Variants in PLAAT1 observed in about 807,000 individuals in gnomAD.
PLAAT1 encodes phospholipase A and acyltransferase 1, also known as H-REV107 protein-related protein.
PLAAT1 carries 13 observed loss-of-function variants against 16.4 expected under a neutral mutation model. The observed-to-expected ratio is 0.79, with a 90% CI of 0.52 to 1.26. The LOEUF (loss-of-function observed/expected upper bound fraction) is 1.26. Among genes scored for constraint, PLAAT1 ranks in the 50% most tolerant of loss-of-function variants. The probability of loss-of-function intolerance (pLI) is 0.00; values close to 1 mark genes in which losing one functional copy is unlikely to be tolerated. For synonymous variants in PLAAT1, 73 were observed against 78.4 expected (o/e 0.93, Z 0.36); for missense variants, 218 against 207.8 (o/e 1.05, Z -0.30).
chr3:193,258,793 G>C (rs1716476116), intron 2 of PLAAT1, among the ~76,000 whole-genome samples: 1 of 151,968 alleles, frequency 6.6e-6, no homozygotes, highest in Non-Finnish European at 1.5e-5. Flanking sequence ...AAAAGCCCTG[G>C]AGCAGATGGA....
chr3:193,241,765 T>G (rs916270239), intron 1 of PLAAT1, among the ~76,000 whole-genome samples: 1 of 152,224 alleles, frequency 6.6e-6, no homozygotes, highest in Non-Finnish European at 1.5e-5. Context: ...TTTAAGGCTT[T>G]TTAAGCCTAC....
At chr3:193,249,151 C>T (rs970824615) in intron 1 of PLAAT1, among the ~76,000 whole-genome samples, 2 of 151,984 alleles carry the variant, frequency 1.3e-5, no homozygotes, top group Admixed American at 6.5e-5. Flanking sequence ...TTCCCTTCTA[C>T]CCTGCAGGGT....
chr3:193,273,722 G>A (rs948757246), downstream of PLAAT1, among the ~76,000 whole-genome samples: 68 of 152,212 alleles, frequency 4.5e-4, no homozygotes, highest in Non-Finnish European at 8.5e-4. Flanking sequence ...TTTATGGTGA[G>A]GGTGATATAT....
At chr3:193,259,030 G>A (rs564465201) in intron 2 of PLAAT1, among the ~76,000 whole-genome samples, 11 of 152,144 alleles carry the variant, frequency 7.2e-5, no homozygotes, top group African/African-American at 1.2e-4. Context: ...CAAATTTGGC[G>A]CACATCAAAA....
intron 1 of PLAAT1, among the ~76,000 whole-genome samples, chr3:193,251,872 ATAGT>A (rs1716202964): frequency 1.3e-5 from 2 of 152,124 alleles, no homozygotes; most frequent in South Asian, 4.2e-4. Context: ...AGGAGAAGGG[ATAGT>A]TAGGGAGCCT....
chr3:193,264,585 C>T (rs1222701332), intron 3 of PLAAT1, among the ~76,000 whole-genome samples: 1 of 151,932 alleles, frequency 6.6e-6, no homozygotes, highest in African/African-American at 2.4e-5. Context: ...CTCACTGCAA[C>T]CTCCGCCTCC....
At chr3:193,265,787 A>G (rs1017770950) in intron 3 of PLAAT1, among the ~76,000 whole-genome samples, 5 of 151,672 alleles carry the variant, frequency 3.3e-5, no homozygotes, top group Non-Finnish European at 7.4e-5. Flanking sequence ...CTCACATGTA[A>G]CAATAAATTG....
At chr3:193,267,526 T>G (rs927421208) in intron 3 of PLAAT1, among the ~76,000 whole-genome samples, 1 of 152,216 alleles carries the variant, frequency 6.6e-6, no homozygotes, top group Non-Finnish European at 1.5e-5. Context: ...TTCATGTACT[T>G]TTGTGGCTTG....
At chr3:193,267,369 C>G (rs982511749) in intron 3 of PLAAT1, among the ~76,000 whole-genome samples, 3 of 148,950 alleles carry the variant, frequency 2.0e-5, no homozygotes, top group African/African-American at 7.3e-5. Context: ...ATCCTTCCTT[C>G]CCTGCAAATC....
intron 1 of PLAAT1, among the ~76,000 whole-genome samples, chr3:193,251,283 G>A (rs112729327): frequency 7.9e-5 from 12 of 152,198 alleles, no homozygotes; most frequent in African/African-American, 2.4e-4. Context: ...GGCTGGAATT[G>A]TCACTAGAAC....
At chr3:193,248,919 C>T (rs1716083464) in intron 1 of PLAAT1, among the ~76,000 whole-genome samples, 1 of 151,888 alleles carries the variant, frequency 6.6e-6, no homozygotes, top group African/African-American at 2.4e-5. Context: ...TATGTATTTC[C>T]ATGTTGCTAC....
At chr3:193,258,066 C>A (rs1204466992) in intron 2 of PLAAT1, among the ~76,000 whole-genome samples, 2 of 152,144 alleles carry the variant, frequency 1.3e-5, no homozygotes, top group Non-Finnish European at 2.9e-5. Context: ...TGTGGGACTT[C>A]ACCTTGTGAT....
At chr3:193,276,404 A>T (rs570202486) in intron 2 of PLAAT1, among the ~76,000 whole-genome samples, 145 of 152,310 alleles carry the variant, frequency 9.5e-4, no homozygotes, top group African/African-American at 3.2e-3. Context: ...CACTCTAAAA[A>T]GTCTCTTTGG....
chr3:193,262,548 C>CTAATTAGTATACACAAATTAATACAAA (rs1716623991), intron 2 of PLAAT1, among the ~76,000 whole-genome samples: 2 of 152,018 alleles, frequency 1.3e-5, no homozygotes, highest in Non-Finnish European at 2.9e-5. Flanking sequence ...ACAGTGTACC[C>CTAATTAGTATACACAAATTAATACAAA]TACAGTATTA....
At chr3:193,254,088 A>G (rs889874196) in intron 1 of PLAAT1, among the ~76,000 whole-genome samples, 2 of 152,162 alleles carry the variant, frequency 1.3e-5, no homozygotes, top group Non-Finnish European at 2.9e-5. Flanking sequence ...ACGAACTGCC[A>G]TATTAATAAG....
At position 193,248,443 on chromosome 3, in the gene PLAAT1, T is replaced by C. The variant is rs571892723; in HGVS notation, c.-1+6910T>C. On this transcript the variant is annotated intron_variant, in intron 1 of 3. Transcript: ENST00000264735. ...ATTATTGGTAGGTAAGAACTTACTA[T>C]TGGTGTTTTGTTGTTTTCTGGTTAA... 6.6e-5 allele frequency among the ~76,000 whole-genome samples: 10 copies of C among 152,244 alleles called. No homozygotes were observed. The South Asian group carries it at 2.1e-3, about 32-fold the overall frequency.
At chr3:193,253,089 A>C (rs1166711040) in intron 1 of PLAAT1, among the ~76,000 whole-genome samples, 1 of 152,130 alleles carries the variant, frequency 6.6e-6, no homozygotes, top group Non-Finnish European at 1.5e-5. Context: ...CACTGCTGCA[A>C]ACAAGTTTGG....
intron 3 of PLAAT1, among the ~76,000 whole-genome samples, chr3:193,269,120 C>G (rs1269572901): frequency 1.3e-5 from 2 of 152,150 alleles, no homozygotes; most frequent in African/African-American, 4.8e-5. Flanking sequence ...TCCTGCATCT[C>G]CCTGCCTCTT....
chr3:193,274,433 C>T (rs1717093598), downstream of PLAAT1, among the ~76,000 whole-genome samples: 1 of 152,240 alleles, frequency 6.6e-6, no homozygotes, highest in African/African-American at 2.4e-5. Flanking sequence ...TATATATTAA[C>T]TGTGCCCATG....
Sources: allele counts gnomAD v4.1 joint callset (sites outside exome capture counted in the v4.1 genomes callset), GRCh38; gene constraint gnomAD v4.1.1; transcripts MANE v1.5; gene names NCBI Gene and HGNC (gene_info 2026-07-23, HGNC 2026-07-21).